The following PLEKHA7 variants were observed in gnomAD, a reference collection of about 807,000 sequenced individuals.
PLEKHA7 encodes pleckstrin homology domain containing A7.
In PLEKHA7, 104 loss-of-function variants were observed where a neutral mutation model predicts 170.0. That is an observed-to-expected ratio of 0.61 (90% CI 0.52 to 0.72). The LOEUF (loss-of-function observed/expected upper bound fraction) is 0.72. Among genes scored for constraint, PLEKHA7 ranks in the 30% least tolerant of loss-of-function variants. PLEKHA7 has a pLI of 0.00. For synonymous variants in PLEKHA7, 648 were observed against 660.8 expected (o/e 0.98, Z 0.30); for missense variants, 1,615 against 1,671.7 (o/e 0.97, Z 0.59).
chr11:16,837,185 TTTA>T (rs1851582220), intron 9 of PLEKHA7, among the ~76,000 whole-genome samples: 1 of 152,054 alleles, frequency 6.6e-6, no homozygotes, highest in Non-Finnish European at 1.5e-5. Context: ...GTTTTAAGAG[TTTA>T]TTAAGAGCAT....
At chr11:16,895,181 G>A (rs1856922586) in intron 3 of PLEKHA7, among the ~76,000 whole-genome samples, 1 of 152,104 alleles carries the variant, frequency 6.6e-6, no homozygotes, top group Non-Finnish European at 1.5e-5. Context: ...AATATAAGAA[G>A]CTATCTTATT....
intron 3 of PLEKHA7, among the ~76,000 whole-genome samples, chr11:16,878,135 T>C (rs1855444663): frequency 6.6e-6 from 1 of 152,172 alleles, no homozygotes; most frequent in African/African-American, 2.4e-5. Flanking sequence ...ATGTACAATA[T>C]GTGAGGCACA....
intron 10 of PLEKHA7, among the ~76,000 whole-genome samples, chr11:16,822,169 C>A (rs217752): frequency 6.6e-6 from 1 of 151,914 alleles, no homozygotes; most frequent in Non-Finnish European, 1.5e-5. Context: ...AGCAGTTATG[C>A]GGAGACATTT....
intron 3 of PLEKHA7, among the ~76,000 whole-genome samples, chr11:16,999,778 C>A (rs1226072220): frequency 6.6e-6 from 1 of 152,120 alleles, no homozygotes; most frequent in Non-Finnish European, 1.5e-5. Flanking sequence ...AAAAATATAT[C>A]ATTATTCTAG....
At chr11:16,797,571 A>G (rs1848319039) in intron 17 of PLEKHA7, among the ~76,000 whole-genome samples, 1 of 152,222 alleles carries the variant, frequency 6.6e-6, no homozygotes, top group South Asian at 2.1e-4. Flanking sequence ...GGTGGGGCTC[A>G]CAGTTCTCAC....
chr11:16,885,813 G>T (rs985918320), intron 3 of PLEKHA7, among the ~76,000 whole-genome samples: 2 of 151,340 alleles, frequency 1.3e-5, no homozygotes, highest in Non-Finnish European at 2.9e-5. Context: ...GGCCAGCATG[G>T]TAAAACCCCA....
At chr11:16,853,146 G>C (rs149998708) in intron 6 of PLEKHA7, among the ~76,000 whole-genome samples, 13 of 152,176 alleles carry the variant, frequency 8.5e-5, no homozygotes, top group African/African-American at 2.9e-4. Flanking sequence ...AGGAATTCAA[G>C]ACCAGCCTGG....
chr11:16,930,445 C>CA (rs2136321065), intron 3 of PLEKHA7, among the ~76,000 whole-genome samples: 1 of 152,206 alleles, frequency 6.6e-6, no homozygotes, highest in African/African-American at 2.4e-5. Context: ...GACCTTGTCT[C>CA]AAAATCAAAT....
intron 3 of PLEKHA7, among the ~76,000 whole-genome samples, chr11:17,005,560 G>A (rs1239465156): frequency 6.6e-6 from 1 of 151,944 alleles, no homozygotes; most frequent in Non-Finnish European, 1.5e-5. Context: ...GAGAGAGAGA[G>A]AATGGAGAGG....
At position 16,817,116 on chromosome 11, in the gene PLEKHA7, T is replaced by C. The variant is rs1394575982; in HGVS notation, c.1550A>G (p.Asp517Gly). 6.2e-7 allele frequency: 1 copy of C among 1,614,158 alleles called. No homozygotes were observed. Among genetic ancestry groups the C allele is most frequent in the Non-Finnish European group, 8.5e-7 (1 of 1,180,018 alleles). The change falls in exon 11 of 27, where the codon GAT (aspartate) becomes GGT (glycine). Residue 517 changes from aspartate (D) to glycine (G), a missense_variant. Coordinates refer to ENST00000531066, the MANE Select transcript of PLEKHA7 (RefSeq NM_001329630.2). This position sits in a 1 kb window ranked among gnomAD's most constrained non-coding sequence, Gnocchi z 4.4. ...MSSEERRAHRDGTVWQLYEWQ... is the reference protein window; with the variant it reads ...MSSEERRAHRGGTVWQLYEWQ... ...CTCGTAGAGCTGCCACACGGTGCCA[T>C]CCCGGTGCGCCCGGCGCTCTTCACT... is the stretch of plus-strand genomic sequence containing the variant.
intron 17 of PLEKHA7, among the ~76,000 whole-genome samples, chr11:16,800,370 T>C (rs1446444245): frequency 6.6e-6 from 1 of 152,146 alleles, no homozygotes; most frequent in Non-Finnish European, 1.5e-5. Context: ...GAGGCAGCTA[T>C]CAATAGGGTG....
intron 18 of PLEKHA7, 85 bp downstream of exon 18, chr11:16,794,825 C>G: frequency 6.7e-7 from 1 of 1,492,578 alleles, no homozygotes; most frequent in African/African-American, 1.4e-5. Context: ...AAGGGCCATC[C>G]CACCCACCTG....
chr11:16,783,329 C>G (rs1441477516), intron 25 of PLEKHA7, among the ~76,000 whole-genome samples: 1 of 152,246 alleles, frequency 6.6e-6, no homozygotes, highest in Non-Finnish European at 1.5e-5. Flanking sequence ...ATCCGCTGGT[C>G]TGCATGAGGG....
At chr11:16,895,093 C>T (rs1856917472) in intron 3 of PLEKHA7, among the ~76,000 whole-genome samples, 1 of 152,040 alleles carries the variant, frequency 6.6e-6, no homozygotes, top group Non-Finnish European at 1.5e-5. Flanking sequence ...TGAACTATTC[C>T]CCATGAAGAC....
At chr11:16,813,899 C>G (rs531691301) in intron 12 of PLEKHA7, among the ~76,000 whole-genome samples, 4 of 152,200 alleles carry the variant, frequency 2.6e-5, no homozygotes, top group Non-Finnish European at 5.9e-5. Context: ...AAAACTCATG[C>G]TTTCCCGTGT....
chr11:16,826,542 T>C lies in PLEKHA7; in HGVS notation c.921A>G (p.Thr307=). The change falls in exon 10 of 27, where the codon ACA becomes ACG. Residue 307 remains threonine (T), a synonymous_variant. Coordinates refer to ENST00000531066, the MANE Select transcript of PLEKHA7 (RefSeq NM_001329630.2). ...ERQAVPQANH[T]ESCHECGRVG... ...CCCGGCCACATTCGTGACAGGACTCTGTGTGGTTGGCCTGGGGGACAGCCT... is the reference window on the plus strand; with the variant it reads ...CCCGGCCACATTCGTGACAGGACTCCGTGTGGTTGGCCTGGGGGACAGCCT... 1 of 1,614,186 alleles carries C rather than the reference T, an allele frequency of 6.2e-7. No individual in the cohort carries two copies. The highest frequency in any genetic ancestry group is 1.6e-4 in the Middle Eastern group (1 of 6,062).
At chr11:16,969,020 A>G (rs1416923184) in intron 3 of PLEKHA7, among the ~76,000 whole-genome samples, 1 of 152,162 alleles carries the variant, frequency 6.6e-6, no homozygotes, top group Non-Finnish European at 1.5e-5. Flanking sequence ...CCTTTAATAT[A>G]TCATGAACCC....
intron 3 of PLEKHA7, among the ~76,000 whole-genome samples, chr11:16,934,487 A>C (rs1467448846): frequency 6.6e-6 from 1 of 152,204 alleles, no homozygotes; most frequent in Non-Finnish European, 1.5e-5. Flanking sequence ...GAGCTTTCCA[A>C]AACCCAGAGT....
rs772980574 is a variant in PLEKHA7, at chr11:16,802,978, CTCTT to C, written c.2147_2150del (p.Lys716ArgfsTer6). The C allele has an allele frequency of 6.2e-7, 1 of 1,613,372 alleles. No homozygotes were observed. Among genetic ancestry groups the C allele is most frequent in the Non-Finnish European group, 8.5e-7 (1 of 1,179,236 alleles). On this transcript the variant is annotated frameshift_variant, in exon 15 of 27. Transcript: ENST00000531066. LOFTEE classifies it high-confidence loss of function. ...ATTCAAAACTGACACGTACTTTGTT[CTCTT>C]TAAGGGCTCGTATCTTGTCTTCCAA...
Sources: allele counts gnomAD v4.1 joint callset (sites outside exome capture counted in the v4.1 genomes callset), GRCh38; gene constraint gnomAD v4.1.1; non-coding constraint Gnocchi (gnomAD v3.1); transcripts MANE v1.5; gene names NCBI Gene and HGNC (gene_info 2026-07-23, HGNC 2026-07-21).